The following PALM2AKAP2 variants were observed in gnomAD, a reference collection of about 807,000 sequenced individuals.
PALM2AKAP2 encodes PALM2 and AKAP2 fusion, also known as PALM2-AKAP2 fusion protein.
In PALM2AKAP2, 37 loss-of-function variants were observed where a neutral mutation model predicts 71.5. The ratio of observed to expected loss-of-function variants is 0.52; its 90% CI spans 0.40 to 0.68. The LOEUF (loss-of-function observed/expected upper bound fraction) is 0.68. PALM2AKAP2 is among the 30% of genes least tolerant of loss of function. PALM2AKAP2 has a pLI of 0.00. For missense variants in PALM2AKAP2, 1,224 were observed against 1,191.8 expected (o/e 1.03, Z -0.40); for synonymous variants, 468 against 478.8 (o/e 0.98, Z 0.29).
chr9:109,666,823 A>T (rs914150830), intron 1 of PALM2AKAP2, among the ~76,000 whole-genome samples: 1 of 152,248 alleles, frequency 6.6e-6, no homozygotes, highest in Non-Finnish European at 1.5e-5. Flanking sequence ...AGAATCAGGC[A>T]TAAGAGCCAG....
At chr9:109,974,452 G>GA (rs371069807) in intron 6 of PALM2AKAP2, among the ~76,000 whole-genome samples, 26 of 149,558 alleles carry the variant, frequency 1.7e-4, no homozygotes, top group Admixed American at 2.7e-4. Flanking sequence ...CATGCATGCT[G>GA]AAAAAAAAAA....
chr9:110,068,508 G>C (rs1249009524), intron 1 of PALM2AKAP2, among the ~76,000 whole-genome samples: 1 of 127,614 alleles, frequency 7.8e-6, no homozygotes, highest in African/African-American at 3.1e-5. Flanking sequence ...GGGCAAAATT[G>C]GAGCTTTTTT....
At chr9:110,170,267 A>T (rs529755179) in exon 4 of PALM2AKAP2, 21 of 152,592 alleles carry the variant, frequency 1.4e-4, no homozygotes, top group South Asian at 4.2e-4. Context: ...GTGGTTTTTT[A>T]AAAAAGCAAT....
intron 1 of PALM2AKAP2, among the ~76,000 whole-genome samples, chr9:109,714,148 A>G (rs923894641): frequency 2.6e-5 from 4 of 152,362 alleles, no homozygotes; most frequent in Admixed American, 6.5e-5. Context: ...TCAAAAACCA[A>G]ATTAGTCACC....
intron 2 of PALM2AKAP2, among the ~76,000 whole-genome samples, chr9:109,873,845 A>C (rs566602047): frequency 1.3e-5 from 2 of 152,226 alleles, no homozygotes; most frequent in Admixed American, 1.3e-4. Flanking sequence ...GGGTCACCTC[A>C]AAAAGTGGTA....
intron 1 of PALM2AKAP2, among the ~76,000 whole-genome samples, chr9:109,736,966 A>G (rs1194004456): frequency 6.6e-6 from 1 of 152,222 alleles, no homozygotes. Flanking sequence ...TCTTTTGTAT[A>G]TTAGCCTTGG....
chr9:109,741,552 T>C (rs1828715910), intron 1 of PALM2AKAP2, among the ~76,000 whole-genome samples: 1 of 152,258 alleles, frequency 6.6e-6, no homozygotes, highest in African/African-American at 2.4e-5. Flanking sequence ...TCCCAAGCGA[T>C]GGAACAATTT....
At chr9:109,913,022 A>G (rs189966634) in intron 3 of PALM2AKAP2, among the ~76,000 whole-genome samples, 1 of 152,360 alleles carries the variant, frequency 6.6e-6, no homozygotes, top group African/African-American at 2.4e-5. Flanking sequence ...CACCAAATCT[A>G]CAAGGAACCC....
chr9:109,857,795 A>C (rs1167130871), intron 1 of PALM2AKAP2, among the ~76,000 whole-genome samples: 1 of 152,246 alleles, frequency 6.6e-6, no homozygotes, highest in Non-Finnish European at 1.5e-5. Flanking sequence ...TATCTACCTC[A>C]AAGTGTGATG....
intron 2 of PALM2AKAP2, among the ~76,000 whole-genome samples, chr9:109,869,478 G>A (rs555294421): frequency 1.7e-4 from 26 of 148,888 alleles, no homozygotes; most frequent in African/African-American, 2.2e-4. Flanking sequence ...ACAAATGCCC[G>A]CCACCACGCC....
chr9:109,986,686 T>G (rs149581067), intron 6 of PALM2AKAP2, among the ~76,000 whole-genome samples: 13 of 152,366 alleles, frequency 8.5e-5, no homozygotes, highest in African/African-American at 3.1e-4. Context: ...TTATTTTCTC[T>G]GAGTCTTTAC....
At chr9:109,871,208 T>G (rs906893270) in intron 2 of PALM2AKAP2, among the ~76,000 whole-genome samples, 2 of 152,222 alleles carry the variant, frequency 1.3e-5, no homozygotes, top group African/African-American at 2.4e-5. Flanking sequence ...TAGGAACATA[T>G]AGTGAGCAAC....
At chr9:110,007,832 T>G (rs1461296740) in intron 6 of PALM2AKAP2, among the ~76,000 whole-genome samples, 1 of 152,170 alleles carries the variant, frequency 6.6e-6, no homozygotes, top group Non-Finnish European at 1.5e-5. Flanking sequence ...AATTGCCCAT[T>G]TTTGTACTTA....
rs148221805 is a variant in PALM2AKAP2 at position 110,068,059 on chromosome 9, A to G, written c.156+19204A>G. 4.7e-3 allele frequency among the ~76,000 whole-genome samples: 677 copies of G among 144,336 alleles called. 48 individuals are homozygous for G. Among genetic ancestry groups the G allele is most frequent in the African/African-American group, 0.016 (586 of 37,204 alleles). 94.7% of individuals were successfully genotyped at this position (144,336 alleles called of 152,430 possible). ...AGTAAGAATTTCCCAGATTGGGTTT[A>G]GAGTTGTATTTGCTTATGTTCCAAA... On this transcript the variant is annotated intron_variant, in intron 1 of 3. Transcript: ENST00000374525.
At chr9:109,663,059 T>A (rs548545354) in intron 1 of PALM2AKAP2, among the ~76,000 whole-genome samples, 1 of 152,234 alleles carries the variant, frequency 6.6e-6, no homozygotes, top group Non-Finnish European at 1.5e-5. Context: ...TCTTCTCTCC[T>A]TGTATTTGAT....
chr9:109,985,319 C>T (rs1425294655), intron 6 of PALM2AKAP2, among the ~76,000 whole-genome samples: 2 of 152,060 alleles, frequency 1.3e-5, no homozygotes, highest in Non-Finnish European at 1.5e-5. Context: ...GGGCTTTTTC[C>T]CCAATGTGAA....
chr9:109,799,589 G>A (rs922365432), intron 1 of PALM2AKAP2, among the ~76,000 whole-genome samples: 2 of 152,166 alleles, frequency 1.3e-5, no homozygotes, highest in South Asian at 2.1e-4. Flanking sequence ...GACCACCTGC[G>A]CTCAAGTGAT....
chr9:109,780,584 G>T, intron 1 of PALM2AKAP2, 51 bp downstream of exon 1: 1 of 1,611,720 alleles, frequency 6.2e-7, no homozygotes, highest in Non-Finnish European at 8.5e-7. Flanking sequence ...GGGTGGAAGG[G>T]GGCCCCCGAG....
intron 3 of PALM2AKAP2, among the ~76,000 whole-genome samples, chr9:109,911,445 T>C (rs1830567112): frequency 6.6e-6 from 1 of 152,180 alleles, no homozygotes; most frequent in Non-Finnish European, 1.5e-5. Context: ...GGTGTCTCCA[T>C]GGGCTGAAGC....
Sources: gnomAD v4.1 joint callset for allele counts (sites outside exome capture counted in the v4.1 genomes callset) on GRCh38, gnomAD v4.1.1 for gene constraint, MANE v1.5 for transcripts, NCBI Gene and HGNC (gene_info 2026-07-23, HGNC 2026-07-21) for gene names.